The following FLT1 variants were observed in gnomAD, a reference collection of about 807,000 sequenced individuals.
FLT1 encodes vascular endothelial growth factor receptor 1.
FLT1 carries 49 observed loss-of-function variants against 156.3 expected under a neutral mutation model. That is an observed-to-expected ratio of 0.31 (90% CI 0.25 to 0.40). The LOEUF (loss-of-function observed/expected upper bound fraction) is 0.40. Ranked by LOEUF, FLT1 falls within the 10% of genes least tolerant of loss-of-function variation. The probability of loss-of-function intolerance (pLI) is 1.00; values close to 1 mark genes in which losing one functional copy is unlikely to be tolerated. For missense variants in FLT1, 1,322 were observed against 1,637.2 expected (o/e 0.81, Z 3.32); for synonymous variants, 594 against 583.8 (o/e 1.02, Z -0.25).
chr13:28,335,811 A>C (rs1438233407), intron 17 of FLT1, among the ~76,000 whole-genome samples: 2 of 152,200 alleles, frequency 1.3e-5, no homozygotes, highest in Non-Finnish European at 2.9e-5. Context: ...TTCGCATAAA[A>C]TTGTTGAAGA....
intron 3 of FLT1, among the ~76,000 whole-genome samples, chr13:28,453,069 T>C (rs557081914): frequency 1.0e-4 from 1 of 9,572 alleles, no homozygotes; most frequent in African/African-American, 9.7e-4. Context: ...TTCCTTTCCT[T>C]TCCTTTCCTT....
intron 25 of FLT1, 101 bp downstream of exon 25, chr13:28,317,397 C>G (rs1298094137): frequency 2.4e-6 from 2 of 828,010 alleles, no homozygotes; most frequent in Admixed American, 1.8e-5. Context: ...TTGGCATCTT[C>G]CAAGACTGGG....
At chr13:28,389,634 T>C (rs1039270587) in intron 13 of FLT1, 162 bp downstream of exon 13, 9 of 1,483,224 alleles carry the variant, frequency 6.1e-6, no homozygotes, top group Middle Eastern at 1.8e-4. Context: ...CCTCCGAGCC[T>C]GAAAGTTAGC....
intron 14 of FLT1, among the ~76,000 whole-genome samples, chr13:28,383,282 C>G (rs969864917): frequency 3.9e-5 from 6 of 151,988 alleles, no homozygotes; most frequent in African/African-American, 1.4e-4. Flanking sequence ...AAAAATTCCA[C>G]AAGTTCCAAA....
At chr13:28,389,365 C>A in intron 13 of FLT1, 1 of 1,263,088 alleles carries the variant, frequency 7.9e-7, no homozygotes, top group Non-Finnish European at 9.9e-7. Flanking sequence ...GTTTGTGCAG[C>A]TTCAACACTT....
intron 15 of FLT1, among the ~76,000 whole-genome samples, chr13:28,356,086 T>TG (rs1482767136): frequency 6.6e-6 from 1 of 151,824 alleles, no homozygotes; most frequent in East Asian, 1.9e-4. Context: ...AATGCAGTCA[T>TG]GGGGTGAGGG....
Position 28,311,730 on chromosome 13 carries a change from A to G in FLT1, c.3495T>C (p.Asp1165=), listed in dbSNP as rs1467757503. The part of the protein sequence containing the change: ...GDLLQANVQQ[D]GKDYIPINAI... ...CATTGATTGGGATGTAGTCTTTACC[A>G]TCCTAAAATACCAAAGGTAGAGCTC... Residue 1165 remains aspartate (D), a splice_region_variant and synonymous_variant, in exon 27 of 30, where the codon GAT becomes GAC. Coordinates refer to ENST00000282397, the MANE Select transcript of FLT1 (RefSeq NM_002019.4). The G allele has an allele frequency of 6.2e-7, 1 of 1,614,032 alleles. No individual in the cohort carries two copies. The highest frequency in any genetic ancestry group is 8.5e-7 in the Non-Finnish European group (1 of 1,179,960).
intron 14 of FLT1, among the ~76,000 whole-genome samples, chr13:28,377,744 C>T (rs1300469914): frequency 6.6e-6 from 1 of 152,152 alleles, no homozygotes; most frequent in East Asian, 1.9e-4. Flanking sequence ...AAAAGTAACA[C>T]CCAATCTGAG....
chr13:28,381,712 T>C (rs750250260), intron 14 of FLT1, among the ~76,000 whole-genome samples: 4 of 152,332 alleles, frequency 2.6e-5, no homozygotes, highest in Middle Eastern at 3.4e-3. Context: ...ATCTTGGTAG[T>C]GTGTCATCTT....
intron 15 of FLT1, among the ~76,000 whole-genome samples, chr13:28,356,774 G>A (rs557956904): frequency 1.3e-5 from 2 of 152,276 alleles, no homozygotes; most frequent in Admixed American, 6.5e-5. Flanking sequence ...ATCTTTTCAC[G>A]TAAAACCTCA....
intron 14 of FLT1, among the ~76,000 whole-genome samples, chr13:28,372,666 G>A (rs1294379402): frequency 2.0e-5 from 3 of 146,636 alleles, no homozygotes; most frequent in Non-Finnish European, 4.5e-5. Flanking sequence ...GGCAGATCAC[G>A]AGGTCAAGAG....
At chr13:28,481,516 C>A (rs879609251) in intron 1 of FLT1, among the ~76,000 whole-genome samples, 3 of 151,398 alleles carry the variant, frequency 2.0e-5, no homozygotes, top group Admixed American at 6.6e-5. Context: ...CAATGAGGAA[C>A]CATGACTCCT....
intron 10 of FLT1, among the ~76,000 whole-genome samples, chr13:28,413,315 C>G (rs1876431339): frequency 6.6e-6 from 1 of 152,120 alleles, no homozygotes; most frequent in South Asian, 2.1e-4. Flanking sequence ...GCTTTTCCTT[C>G]CTCCTGGCTC....
At chr13:28,415,463 A>G (rs768977159) in intron 10 of FLT1, among the ~76,000 whole-genome samples, 1 of 152,162 alleles carries the variant, frequency 6.6e-6, no homozygotes, top group African/African-American at 2.4e-5. Flanking sequence ...CCTGGGCAAC[A>G]ACAGCAAAAC....
chr13:28,378,673 T>A (rs936496744), intron 14 of FLT1, among the ~76,000 whole-genome samples: 3 of 152,178 alleles, frequency 2.0e-5, no homozygotes, highest in Admixed American at 6.5e-5. Flanking sequence ...CCTCACAGAA[T>A]TGTAATGAAA....
chr13:28,332,934 C>T (rs767410653), intron 18 of FLT1, among the ~76,000 whole-genome samples: 2 of 152,146 alleles, frequency 1.3e-5, no homozygotes, highest in African/African-American at 2.4e-5. Flanking sequence ...GACAGAAATA[C>T]CTGCCTTCGT....
intron 10 of FLT1, among the ~76,000 whole-genome samples, chr13:28,419,544 C>G (rs906849607): frequency 6.6e-6 from 1 of 152,152 alleles, no homozygotes; most frequent in African/African-American, 2.4e-5. Flanking sequence ...CTTCTGGTAA[C>G]CTGAGAAGCT....
At chr13:28,442,750 C>T (rs1878404966) in intron 3 of FLT1, among the ~76,000 whole-genome samples, 1 of 149,888 alleles carries the variant, frequency 6.7e-6, no homozygotes, top group African/African-American at 2.5e-5. Flanking sequence ...ACGAACAATA[C>T]TCTCTGGGCT....
intron 14 of FLT1, among the ~76,000 whole-genome samples, chr13:28,373,380 A>AT (rs1159682224): frequency 6.6e-6 from 1 of 152,072 alleles, no homozygotes; most frequent in African/African-American, 2.4e-5. Context: ...CTTGACTTTG[A>AT]TTTTTTTCAG....
Sources: gnomAD v4.1 joint callset for allele counts (sites outside exome capture counted in the v4.1 genomes callset) on GRCh38, gnomAD v4.1.1 for gene constraint, MANE v1.5 for transcripts, NCBI Gene and HGNC (gene_info 2026-07-23, HGNC 2026-07-21) for gene names.